Variants in RASA3 observed in about 807,000 individuals in gnomAD.
RASA3 encodes the protein RAS p21 protein activator 3.
In RASA3, 73 loss-of-function variants were observed where a neutral mutation model predicts 110.0. The observed-to-expected ratio is 0.66, with a 90% confidence interval of 0.55 to 0.81. The LOEUF (loss-of-function observed/expected upper bound fraction) is 0.81, where lower values mean the gene tolerates loss of function less well. Among genes scored for constraint, RASA3 ranks in the 30% least tolerant of loss-of-function variants. RASA3 has a pLI of 0.00. For missense variants in RASA3, 976 were observed against 1,113.2 expected (o/e 0.88, Z 1.75); for synonymous variants, 500 against 451.4 (o/e 1.11, Z -1.37).
chr13:114,097,391 C>G (rs1263972875), intron 1 of RASA3, among the ~76,000 whole-genome samples: 1 of 152,220 alleles, frequency 6.6e-6, no homozygotes, highest in Non-Finnish European at 1.5e-5. Flanking sequence ...GGAGCAAACA[C>G]CCAAACACCC....
chr13:114,089,908 C>T (rs2079870151), intron 1 of RASA3, among the ~76,000 whole-genome samples: 1 of 152,004 alleles, frequency 6.6e-6, no homozygotes, highest in Non-Finnish European at 1.5e-5. Context: ...CGGTCCTTCC[C>T]CTTCTGTGCC....
chr13:114,071,973 G>A (rs1198003797), intron 2 of RASA3, among the ~76,000 whole-genome samples: 2 of 152,176 alleles, frequency 1.3e-5, no homozygotes, highest in Non-Finnish European at 2.9e-5. Context: ...CCATGCTTCT[G>A]AACTGAACGG....
chr13:114,079,741 C>T (rs2079751309), intron 1 of RASA3, among the ~76,000 whole-genome samples: 1 of 152,228 alleles, frequency 6.6e-6, no homozygotes, highest in South Asian at 2.1e-4. Flanking sequence ...CTGCTGACTG[C>T]AAGGCCCATG....
At chr13:114,025,295 T>C (rs953713654) in intron 7 of RASA3, among the ~76,000 whole-genome samples, 4 of 152,332 alleles carry the variant, frequency 2.6e-5, no homozygotes, top group Non-Finnish European at 5.9e-5. Flanking sequence ...AGTTCTCTGC[T>C]TCGGGTTGAG....
At chr13:114,012,353 C>T (rs959092327) in intron 15 of RASA3, among the ~76,000 whole-genome samples, 20 of 150,104 alleles carry the variant, frequency 1.3e-4, no homozygotes, top group African/African-American at 2.5e-4. Context: ...ACACTCCACA[C>T]GCACTCCCCA....
intron 2 of RASA3, among the ~76,000 whole-genome samples, chr13:114,070,216 ACT>A (rs2079547497): frequency 3.4e-5 from 2 of 59,076 alleles, no homozygotes; most frequent in Middle Eastern, 7.7e-3. Context: ...GGGGTGGGAG[ACT>A]CGGGGGATGG....
chr13:114,089,300 G>A (rs1044744412), intron 1 of RASA3, among the ~76,000 whole-genome samples: 1 of 149,086 alleles, frequency 6.7e-6, no homozygotes, highest in South Asian at 2.2e-4. Flanking sequence ...GCGGGGAGGA[G>A]GGGGGGAGGA....
intron 1 of RASA3, among the ~76,000 whole-genome samples, chr13:114,099,599 G>A (rs1438439044): frequency 3.6e-5 from 5 of 139,284 alleles, no homozygotes; most frequent in African/African-American, 8.0e-5. Context: ...CAGGGTCAGC[G>A]CCTGAGATGC....
At chr13:114,000,693 G>T (rs2053373562) in intron 19 of RASA3, 133 bp downstream of exon 19, 2 of 676,380 alleles carry the variant, frequency 3.0e-6, no homozygotes, top group South Asian at 1.7e-5. Context: ...AGGGCTCTGG[G>T]TCACCGCGGC....
At chr13:114,015,179 C>A in intron 14 of RASA3, 30 bp downstream of exon 14, 1 of 1,611,902 alleles carries the variant, frequency 6.2e-7, no homozygotes, top group South Asian at 1.1e-5. Flanking sequence ...GGCAGTTTCT[C>A]AGCAACATGA....
intron 4 of RASA3, among the ~76,000 whole-genome samples, chr13:114,033,623 C>T (rs533544901): frequency 1.3e-4 from 19 of 141,628 alleles, no homozygotes; most frequent in African/African-American, 4.8e-4. Flanking sequence ...CCACGCCCCA[C>T]GGAACCCCCA....
Position 113,994,344 on chromosome 13 carries a change from T to C in RASA3, c.2142-1756A>G, listed in dbSNP as rs188499399. 2.4e-3 allele frequency among the ~76,000 whole-genome samples: 360 copies of C among 152,346 alleles called. 1 individual carries two copies. Among genetic ancestry groups the C allele is most frequent in the African/African-American group, 7.9e-3 (330 of 41,586 alleles). Reference sequence around the variant, plus strand: ...TTATTCATGTTCAACCATATATTTATGCTGTCTGGGGATGGGTGGTTATAG... The same window carrying C: ...TTATTCATGTTCAACCATATATTTACGCTGTCTGGGGATGGGTGGTTATAG... On this transcript the variant is annotated intron_variant, in intron 21 of 23. Coordinates refer to ENST00000334062, the MANE Select transcript of RASA3 (RefSeq NM_007368.4).
chr13:114,002,806 CGTGTGGG>C (rs2053434894), intron 18 of RASA3, among the ~76,000 whole-genome samples: 2 of 152,182 alleles, frequency 1.3e-5, no homozygotes, highest in African/African-American at 4.8e-5. Flanking sequence ...GCCCATCGCG[CGTGTGGG>C]ACGGGGAGGC....
chr13:113,979,360 G>A lies in RASA3; in HGVS notation c.2492C>T (p.Thr831Ile), dbSNP rs766160521. 2 of 1,601,904 alleles carry A rather than the reference G, an allele frequency of 1.2e-6. No individual in the cohort carries two copies. Among genetic ancestry groups the A allele is most frequent in the South Asian group, 2.2e-5 (2 of 90,810 alleles). ...NYIRQQSETS[T>I]HSI ...GTCCCGCAGACTTTAAATGGAATGA[G>A]TGGAGGTCTCGGACTGCTGCCGGAT... Residue 831 changes from threonine (T) to isoleucine (I), a missense_variant, in exon 24 of 24, where the codon ACT (threonine) becomes ATT (isoleucine). By Grantham distance (89) the Thr-to-Ile change is moderately conservative. Coordinates refer to ENST00000334062, the MANE Select transcript of RASA3 (RefSeq NM_007368.4).
intron 11 of RASA3, among the ~76,000 whole-genome samples, chr13:114,017,687 G>C (rs998883193): frequency 1.3e-5 from 2 of 152,244 alleles, no homozygotes; most frequent in African/African-American, 4.8e-5. Context: ...CAGCATCCAA[G>C]GGCCAGCAGA....
At chr13:114,047,564 AAGAAAC>A (rs1255031262) in intron 3 of RASA3, among the ~76,000 whole-genome samples, 3 of 152,252 alleles carry the variant, frequency 2.0e-5, no homozygotes, top group East Asian at 3.8e-4. Flanking sequence ...ATCTCAGAGT[AAGAAAC>A]AGAAACATTG....
At position 114,117,165 on chromosome 13, in the gene RASA3, G is replaced by A. The variant is rs535267288; in HGVS notation, c.55+15270C>T. Among the ~76,000 whole-genome samples, 47 of 112,172 alleles carry A rather than the reference G, an allele frequency of 4.2e-4. 1 individual carries two copies. The highest frequency in any genetic ancestry group is 1.8e-3 in the East Asian group (6 of 3,278). 73.6% of individuals were successfully genotyped at this position (112,172 alleles called of 152,430 possible). A position where few individuals can be genotyped will look rare whatever the true frequency, so the allele number is the denominator to read the frequency against. ...GAGAGCACGTGTGTGAGGGGTGCAC[G>A]TGTGTGACAGATGCATGTGTGTGAG... On this transcript the variant is annotated intron_variant, in intron 1 of 23. Coordinates refer to ENST00000334062, the MANE Select transcript of RASA3 (RefSeq NM_007368.4).
At chr13:114,045,941 G>GTT (rs2079045634) in intron 3 of RASA3, among the ~76,000 whole-genome samples, 1 of 71,114 alleles carries the variant, frequency 1.4e-5, no homozygotes, top group South Asian at 4.5e-4. Flanking sequence ...AGACCCAAGC[G>GTT]TGTAAAGATA....
chr13:113,989,061 C>G (rs113966215), intron 22 of RASA3, among the ~76,000 whole-genome samples: 19,804 of 143,506 alleles, frequency 0.14, 1,684 homozygotes, highest in Middle Eastern at 0.23. Flanking sequence ...CTGTCCATCA[C>G]CATCACTCAC....
Sources: gnomAD v4.1 joint callset for allele counts (sites outside exome capture counted in the v4.1 genomes callset) on GRCh38, gnomAD v4.1.1 for gene constraint, MANE v1.5 for transcripts, NCBI Gene and HGNC (gene_info 2026-07-23, HGNC 2026-07-21) for gene names.